The following SLC24A2 variants were observed in gnomAD, a reference collection of about 807,000 sequenced individuals.
The protein encoded by SLC24A2 is solute carrier family 24 member 2.
A neutral mutation model predicts 62.0 loss-of-function variants in SLC24A2; 36 were observed. The observed-to-expected ratio is 0.58, with a 90% CI of 0.44 to 0.77. The LOEUF is 0.77. Ranked by LOEUF, SLC24A2 falls within the 30% of genes least tolerant of loss-of-function variation. The pLI is 0.00. For missense variants in SLC24A2, 846 were observed against 817.9 expected, an observed-to-expected ratio of 1.03 and a Z score of -0.42; for synonymous variants, 358 against 294.0, an observed-to-expected ratio of 1.22 and a Z score of -2.23.
the SLC24A2 span, among the ~76,000 whole-genome samples, chr9:20,226,852 T>C: frequency 6.6e-6 from 1 of 152,220 alleles, no homozygotes; most frequent in South Asian, 2.1e-4. Context: ...CCTGACTGTT[T>C]GCAAATAGAG....
chr9:19,746,424 G>C lies in SLC24A2; in HGVS notation c.930+39513C>G, dbSNP rs187054452. ...ATTCAATATCTCTATGCTCTTAGGG[G>C]TGCCTGAGGCAACTCCTAGTGCAGA... On this transcript the variant is annotated intron_variant, in intron 2 of 10. Coordinates refer to ENST00000341998, the MANE Select transcript of SLC24A2 (RefSeq NM_020344.4). 4.1e-3 allele frequency among the ~76,000 whole-genome samples: 631 copies of C among 152,146 alleles called. 2 individuals carry two copies. The highest frequency in any genetic ancestry group is 0.015 in the African/African-American group (604 of 41,520).
chr9:20,042,560 C>A, the SLC24A2 span, among the ~76,000 whole-genome samples: 52 of 152,194 alleles, frequency 3.4e-4, no homozygotes, highest in Non-Finnish European at 5.6e-4. Context: ...CATGGCCTTC[C>A]TTCTGGGTCC....
chr9:19,899,883 G>T, the SLC24A2 span, among the ~76,000 whole-genome samples: 1 of 152,052 alleles, frequency 6.6e-6, no homozygotes, highest in Non-Finnish European at 1.5e-5. Flanking sequence ...CCCATGATTC[G>T]ATTACCTCCC....
At chr9:19,642,915 C>T (rs1232634124) in intron 2 of SLC24A2, among the ~76,000 whole-genome samples, 1 of 149,752 alleles carries the variant, frequency 6.7e-6, no homozygotes, top group Non-Finnish European at 1.5e-5. Context: ...CTCCTGACCT[C>T]GTGATCTGCC....
chr9:19,932,622 G>A, the SLC24A2 span, among the ~76,000 whole-genome samples: 54 of 152,174 alleles, frequency 3.5e-4, no homozygotes, highest in African/African-American at 1.2e-3. Flanking sequence ...GTGGGTATGT[G>A]GAAGAAGAGG....
At chr9:19,622,652 T>A (rs763910341) in intron 2 of SLC24A2, among the ~76,000 whole-genome samples, 2 of 152,206 alleles carry the variant, frequency 1.3e-5, no homozygotes, top group Admixed American at 1.3e-4. Flanking sequence ...AAAATATCTA[T>A]TGATAACTGA....
At chr9:20,005,618 G>A in the SLC24A2 span, among the ~76,000 whole-genome samples, 1 of 151,982 alleles carries the variant, frequency 6.6e-6, no homozygotes, top group Non-Finnish European at 1.5e-5. Flanking sequence ...CCAAAGGGAA[G>A]GTTCTAAAGG....
In SLC24A2 at chr9:19,512,146, A is replaced by G. The variant is rs553364500; in HGVS notation, c.*4007T>C. On this transcript the variant is annotated 3_prime_UTR_variant, in exon 11 of 11. Transcript: ENST00000341998. ...CCAGAGGCCTTTAAAAGCTATGTGCAGTGGTGGGGAGTTTGCCAACTCTCT... is the reference window on the plus strand; with the variant it reads ...CCAGAGGCCTTTAAAAGCTATGTGCGGTGGTGGGGAGTTTGCCAACTCTCT... 6.6e-6 allele frequency: 1 copy of G among 152,292 alleles called. No individual in the cohort carries two copies. Among genetic ancestry groups the G allele is most frequent in the South Asian group, 2.1e-4 (1 of 4,830 alleles). The allele number at this position is 152,292 out of a possible 1,614,324, so 9.4% of individuals were successfully genotyped here.
chr9:19,770,584 C>T (rs1280007127), intron 2 of SLC24A2, among the ~76,000 whole-genome samples: 2 of 152,088 alleles, frequency 1.3e-5, no homozygotes, highest in Non-Finnish European at 2.9e-5. Flanking sequence ...TACTATCCTA[C>T]AAGACAAGAG....
chr9:20,067,062 G>C, the SLC24A2 span, among the ~76,000 whole-genome samples: 6 of 152,176 alleles, frequency 3.9e-5, no homozygotes, highest in Non-Finnish European at 8.8e-5. Context: ...ATTTGTTCTA[G>C]ATGGTATTTT....
the SLC24A2 span, among the ~76,000 whole-genome samples, chr9:20,147,947 A>G: frequency 3.9e-5 from 6 of 152,122 alleles, no homozygotes; most frequent in East Asian, 1.9e-4. Context: ...GAGGTAATGT[A>G]TAGGAGAATG....
At chr9:20,095,107 T>C in the SLC24A2 span, among the ~76,000 whole-genome samples, 1 of 152,164 alleles carries the variant, frequency 6.6e-6, no homozygotes, top group African/African-American at 2.4e-5. Context: ...AGCCAAACAA[T>C]GAAGAGATTT....
intron 7 of SLC24A2, among the ~76,000 whole-genome samples, chr9:19,558,373 C>T (rs986300132): frequency 6.6e-6 from 1 of 152,122 alleles, no homozygotes; most frequent in East Asian, 1.9e-4. Flanking sequence ...GGAAGAAAGA[C>T]TTGTCTTTTA....
the SLC24A2 span, among the ~76,000 whole-genome samples, chr9:20,235,053 A>AC: frequency 6.6e-6 from 1 of 152,172 alleles, no homozygotes; most frequent in African/African-American, 2.4e-5. Flanking sequence ...TTTTGGTGAA[A>AC]CGCAAATGCT....
chr9:20,293,099 A>T, the SLC24A2 span, among the ~76,000 whole-genome samples: 2 of 151,794 alleles, frequency 1.3e-5, no homozygotes, highest in African/African-American at 4.8e-5. Flanking sequence ...GTCTCTCCTG[A>T]CTCTTCTTAT....
the SLC24A2 span, among the ~76,000 whole-genome samples, chr9:19,832,079 C>T: frequency 6.6e-6 from 1 of 152,194 alleles, no homozygotes; most frequent in Non-Finnish European, 1.5e-5. Flanking sequence ...TCTGTACTCT[C>T]TCACCCAGGC....
chr9:20,102,256 G>C, the SLC24A2 span, among the ~76,000 whole-genome samples: 1 of 152,118 alleles, frequency 6.6e-6, no homozygotes, highest in African/African-American at 2.4e-5. Flanking sequence ...AATCTAGGCA[G>C]AGATATGAGT....
the SLC24A2 span, among the ~76,000 whole-genome samples, chr9:20,015,719 G>A: frequency 1.3e-5 from 2 of 152,224 alleles, no homozygotes; most frequent in African/African-American, 4.8e-5. Flanking sequence ...AAAGGAGACA[G>A]GAAATGGGTG....
the SLC24A2 span, among the ~76,000 whole-genome samples, chr9:20,301,472 C>T: frequency 2.6e-5 from 4 of 152,130 alleles, no homozygotes; most frequent in Non-Finnish European, 5.9e-5. Context: ...ACAAAGCTGT[C>T]ATTACCACAC....
Sources: gnomAD v4.1 joint callset for allele counts (sites outside exome capture counted in the v4.1 genomes callset) on GRCh38, gnomAD v4.1.1 for gene constraint, MANE v1.5 for transcripts, NCBI Gene and HGNC (gene_info 2026-07-23, HGNC 2026-07-21) for gene names.